The following NRXN1 variants were observed in gnomAD, a reference collection of about 807,000 sequenced individuals.
The protein encoded by NRXN1 is neurexin-1.
A neutral mutation model predicts 150.9 loss-of-function variants in NRXN1; 39 were observed. That is an observed-to-expected ratio of 0.26 (90% CI 0.20 to 0.34). The LOEUF (loss-of-function observed/expected upper bound fraction) is 0.34. Ranked by LOEUF, NRXN1 falls within the 10% of genes least tolerant of loss-of-function variation. The pLI, the probability that NRXN1 is intolerant of heterozygous loss-of-function variation, is 1.00. For missense variants in NRXN1, 1,815 were observed against 1,949.9 expected (o/e 0.93, Z 1.30); for synonymous variants, 924 against 757.0 (o/e 1.22, Z -3.62).
intron 18 of NRXN1, among the ~76,000 whole-genome samples, chr2:50,226,988 C>T (rs1297217623): frequency 2.0e-5 from 3 of 151,950 alleles, no homozygotes; most frequent in Non-Finnish European, 4.4e-5. Flanking sequence ...TCTAGGAATA[C>T]TAAAGTGCAC....
intron 2 of NRXN1, among the ~76,000 whole-genome samples, chr2:50,953,628 C>T (rs1691782562): frequency 6.6e-6 from 1 of 150,872 alleles, no homozygotes; most frequent in South Asian, 2.1e-4. Context: ...ATGATCTCGG[C>T]TCACTGCAAC....
rs928869195 is a variant in NRXN1 at position 50,347,945 on chromosome 2, A to G, written c.3365-110975T>C. 1.3e-5 allele frequency: 8 copies of G among 608,202 alleles called. No individual in the cohort carries two copies. In the African/African-American group the frequency reaches 1.6e-4, roughly 12 times the overall value. 37.7% of individuals were successfully genotyped at this position (608,202 alleles called of 1,614,324 possible). A position where few individuals can be genotyped will look rare whatever the true frequency, so the allele number is the denominator to read the frequency against. ...TGCATTCTCCACGCATCAAAGGGAC[A>G]CGTGTAAGGCGAAACGGGAACACCT... On this transcript the variant is annotated intron_variant, in intron 17 of 22. Transcript: ENST00000401669. This position sits in a 1 kb window ranked among gnomAD's most constrained non-coding sequence, Gnocchi z 4.9.
At chr2:51,022,935 T>C (rs1669860161) in intron 2 of NRXN1, among the ~76,000 whole-genome samples, 1 of 152,126 alleles carries the variant, frequency 6.6e-6, no homozygotes, top group African/African-American at 2.4e-5. Flanking sequence ...ATAAATTCAA[T>C]GGGTGTATCT....
chr2:50,170,898 A>C (rs2059992003), intron 18 of NRXN1, among the ~76,000 whole-genome samples: 1 of 152,018 alleles, frequency 6.6e-6, no homozygotes, highest in African/African-American at 2.4e-5. Flanking sequence ...AATTTTAACA[A>C]CCAGTAGCCT....
chr2:50,211,832 C>T (rs1182665215), intron 18 of NRXN1, among the ~76,000 whole-genome samples: 1 of 134,682 alleles, frequency 7.4e-6, no homozygotes, highest in African/African-American at 2.6e-5. Flanking sequence ...AATTTTGCCT[C>T]ATCAAGAAGA....
chr2:50,945,803 G>A (rs916344833), intron 2 of NRXN1, among the ~76,000 whole-genome samples: 1 of 150,032 alleles, frequency 6.7e-6, no homozygotes, highest in Non-Finnish European at 1.5e-5. Context: ...GATAAAACAT[G>A]ACAGACTGAA....
chr2:50,666,704 T>C (rs924302570), intron 5 of NRXN1, among the ~76,000 whole-genome samples: 13 of 151,936 alleles, frequency 8.6e-5, no homozygotes. Flanking sequence ...CAGAATAGAT[T>C]ATGCAGGTAA....
At chr2:50,115,167 A>G (rs1255871117) in intron 18 of NRXN1, among the ~76,000 whole-genome samples, 1 of 149,256 alleles carries the variant, frequency 6.7e-6, no homozygotes, top group East Asian at 2.0e-4. Flanking sequence ...TTGTGAACCT[A>G]AAACTACTCT....
chr2:50,199,955 C>T (rs748380957), intron 18 of NRXN1, among the ~76,000 whole-genome samples: 11 of 152,128 alleles, frequency 7.2e-5, no homozygotes, highest in Admixed American at 4.6e-4. Context: ...TTCCTAACAT[C>T]CTTGCAGCCT....
At chr2:50,863,345 C>A (rs1054558156) in intron 5 of NRXN1, among the ~76,000 whole-genome samples, 1 of 152,026 alleles carries the variant, frequency 6.6e-6, no homozygotes, top group African/African-American at 2.4e-5. Context: ...TGGACTGCTT[C>A]CTGAGTGTAG....
At chr2:50,600,294 T>C (rs1177897827) in intron 8 of NRXN1, among the ~76,000 whole-genome samples, 1 of 151,192 alleles carries the variant, frequency 6.6e-6, no homozygotes, top group South Asian at 2.1e-4. Flanking sequence ...AATAGAAAAA[T>C]TTCTAGGTAA....
At chr2:49,934,668 G>A (rs917231048) in intron 22 of NRXN1, among the ~76,000 whole-genome samples, 1 of 152,184 alleles carries the variant, frequency 6.6e-6, no homozygotes, top group Admixed American at 6.5e-5. Flanking sequence ...ATCCATCATG[G>A]TGGGGAGGCT....
intron 2 of NRXN1, among the ~76,000 whole-genome samples, chr2:50,972,487 A>G (rs976011340): frequency 2.0e-5 from 3 of 152,072 alleles, no homozygotes; most frequent in Non-Finnish European, 2.9e-5. Flanking sequence ...AAATCCATAG[A>G]CTGGGGAGGG....
chr2:50,839,037 G>A (rs1162276860), intron 5 of NRXN1, among the ~76,000 whole-genome samples: 1 of 152,092 alleles, frequency 6.6e-6, no homozygotes, highest in Non-Finnish European at 1.5e-5. Flanking sequence ...TTGACTTTAA[G>A]TTTAGGCCTG....
intron 5 of NRXN1, among the ~76,000 whole-genome samples, chr2:50,818,058 AT>A (rs1452551714): frequency 1.3e-5 from 2 of 150,764 alleles, no homozygotes; most frequent in Non-Finnish European, 3.0e-5. Flanking sequence ...AGTAAAAAAA[AT>A]CTCTGTTTGC....
At chr2:50,706,028 G>C (rs1694387039) in intron 5 of NRXN1, among the ~76,000 whole-genome samples, 1 of 152,164 alleles carries the variant, frequency 6.6e-6, no homozygotes, top group South Asian at 2.1e-4. Flanking sequence ...GTAGAACAGT[G>C]ATTCACAAAC....
chr2:50,014,866 C>A (rs1240174598), intron 21 of NRXN1, among the ~76,000 whole-genome samples: 1 of 151,976 alleles, frequency 6.6e-6, no homozygotes, highest in Non-Finnish European at 1.5e-5. Flanking sequence ...TAGTAAGTCT[C>A]GTTTGAACTG....
At chr2:49,934,591 C>T (rs1670679563) in intron 22 of NRXN1, among the ~76,000 whole-genome samples, 1 of 152,142 alleles carries the variant, frequency 6.6e-6, no homozygotes, top group East Asian at 1.9e-4. Context: ...GATTAGATAA[C>T]TTCCCCTCTG....
chr2:50,165,425 C>T (rs1318031458), intron 18 of NRXN1, among the ~76,000 whole-genome samples: 1 of 152,106 alleles, frequency 6.6e-6, no homozygotes, highest in Non-Finnish European at 1.5e-5. Flanking sequence ...CTCAGCTCAC[C>T]GCAACCTCCG....
Sources: gnomAD v4.1 joint callset for allele counts (sites outside exome capture counted in the v4.1 genomes callset) on GRCh38, gnomAD v4.1.1 for gene constraint, Gnocchi (gnomAD v3.1) non-coding constraint, MANE v1.5 for transcripts, NCBI Gene and HGNC (gene_info 2026-07-23, HGNC 2026-07-21) for gene names.